The following ELOVL7 variants were observed in gnomAD, a reference collection of about 807,000 sequenced individuals.
ELOVL7 encodes the protein ELOVL fatty acid elongase 7.
In ELOVL7, 27 loss-of-function variants were observed where a neutral mutation model predicts 35.7. That is an observed-to-expected ratio of 0.76 (90% CI 0.56 to 1.04). The LOEUF (loss-of-function observed/expected upper bound fraction) is 1.04. Ranked by LOEUF, ELOVL7 falls within the 50% of genes least tolerant of loss-of-function variation. The pLI is 0.00. For synonymous variants in ELOVL7, 113 were observed against 114.6 expected (o/e 0.99, Z 0.09); for missense variants, 327 against 340.8 (o/e 0.96, Z 0.32).
chr5:60,778,888 T>C (rs1743067892), intron 3 of ELOVL7, among the ~76,000 whole-genome samples: 1 of 152,138 alleles, frequency 6.6e-6, no homozygotes, highest in South Asian at 2.1e-4. Flanking sequence ...AAAAGCAAGT[T>C]AGTTATTTTC....
chr5:60,814,927 A>G (rs1745436019), intron 1 of ELOVL7, among the ~76,000 whole-genome samples: 1 of 152,224 alleles, frequency 6.6e-6, no homozygotes, highest in Admixed American at 6.5e-5. Context: ...ATCCCCATTT[A>G]CTGCTCCTAA....
Position 60,784,509 on chromosome 5 carries a change from T to C in ELOVL7, c.64+2825A>G, listed in dbSNP as rs113052991. On this transcript the variant is annotated intron_variant, in intron 3 of 8. Coordinates refer to ENST00000508821, the MANE Select transcript of ELOVL7 (RefSeq NM_024930.3). ...ATTAATTAAACCATTTTTTCTTCTG[T>C]AGCTGTGGAATTTTTCCACATGAAA... Among the ~76,000 whole-genome samples the C allele has an allele frequency of 6.9e-3, 1,048 of 152,332 alleles. 13 individuals are homozygous for C. Among genetic ancestry groups the C allele is most frequent in the African/African-American group, 0.023 (973 of 41,570 alleles).
At chr5:60,760,405 T>G (rs1033569029) in intron 7 of ELOVL7, among the ~76,000 whole-genome samples, 18 of 152,230 alleles carry the variant, frequency 1.2e-4, no homozygotes, top group African/African-American at 4.3e-4. Context: ...GTGAGCATTT[T>G]TTCATGTGTT....
chr5:60,772,224 T>C (rs1366296050), intron 3 of ELOVL7, 131 bp from the exon 4 acceptor site: 2 of 595,858 alleles, frequency 3.4e-6, no homozygotes, highest in South Asian at 2.4e-5. Flanking sequence ...ATCACTAGTA[T>C]CTTTAGAAAG....
intron 2 of ELOVL7, among the ~76,000 whole-genome samples, chr5:60,790,705 G>A (rs181420762): frequency 2.0e-5 from 3 of 151,974 alleles, no homozygotes; most frequent in South Asian, 2.1e-4. Context: ...AGGGGCTCTC[G>A]GCTCACAACA....
chr5:60,756,494 T>C (rs894177586), intron 8 of ELOVL7, among the ~76,000 whole-genome samples: 5 of 152,204 alleles, frequency 3.3e-5, no homozygotes, highest in African/African-American at 1.2e-4. Flanking sequence ...CATGACTTCA[T>C]AGTATTTCAA....
intron 3 of ELOVL7, among the ~76,000 whole-genome samples, chr5:60,784,952 T>C (rs561574453): frequency 1.3e-5 from 2 of 152,234 alleles, no homozygotes; most frequent in Non-Finnish European, 1.5e-5. Flanking sequence ...CTCTTTTATG[T>C]TGGGATACTT....
chr5:60,766,685 A>T (rs1169234427), intron 5 of ELOVL7, 55 bp from the exon 6 acceptor site: 1 of 1,523,890 alleles, frequency 6.6e-7, no homozygotes, highest in Non-Finnish European at 9.0e-7. Context: ...AAAAGCTTAT[A>T]TTTTTAAATT....
intron 2 of ELOVL7, among the ~76,000 whole-genome samples, chr5:60,794,470 G>A (rs1225447697): frequency 6.6e-6 from 1 of 152,220 alleles, no homozygotes; most frequent in Non-Finnish European, 1.5e-5. Flanking sequence ...AGAGCATCTG[G>A]TTGGAATTCA....
At chr5:60,798,182 C>T (rs1015072575) in intron 2 of ELOVL7, among the ~76,000 whole-genome samples, 7 of 152,180 alleles carry the variant, frequency 4.6e-5, no homozygotes, top group Admixed American at 1.3e-4. Context: ...GTCACAGATA[C>T]GTGTCCTCAA....
At chr5:60,799,094 T>G (rs1002179027) in intron 2 of ELOVL7, 86 bp downstream of exon 2, 3 of 152,028 alleles carry the variant, frequency 2.0e-5, no homozygotes, top group African/African-American at 7.2e-5. Context: ...GTAAGCAACA[T>G]GCACCTGAAC....
chr5:60,760,590 G>A (rs935876511), intron 7 of ELOVL7, among the ~76,000 whole-genome samples: 4 of 152,086 alleles, frequency 2.6e-5, no homozygotes, highest in Admixed American at 6.5e-5. Context: ...TTTGTAGGTC[G>A]CCTGTTCACT....
intron 1 of ELOVL7, among the ~76,000 whole-genome samples, chr5:60,810,847 A>C (rs1745200873): frequency 6.6e-6 from 1 of 152,156 alleles, no homozygotes; most frequent in South Asian, 2.1e-4. Context: ...CACAGTACCG[A>C]CCCAGGGGAG....
At chr5:60,785,096 A>G (rs1743496328) in intron 3 of ELOVL7, among the ~76,000 whole-genome samples, 1 of 152,192 alleles carries the variant, frequency 6.6e-6, no homozygotes, top group Non-Finnish European at 1.5e-5. Flanking sequence ...GCTGGGCTAC[A>G]GCAGTGTCAG....
At chr5:60,777,306 T>A (rs1438928650) in intron 3 of ELOVL7, among the ~76,000 whole-genome samples, 1 of 152,044 alleles carries the variant, frequency 6.6e-6, no homozygotes. Flanking sequence ...GATATAATTA[T>A]TACATATTGC....
At chr5:60,812,411 C>T (rs906594178) in intron 1 of ELOVL7, among the ~76,000 whole-genome samples, 1 of 152,068 alleles carries the variant, frequency 6.6e-6, no homozygotes, top group Admixed American at 6.5e-5. Flanking sequence ...AAAAATTTAA[C>T]TGGTTGTGAC....
At chr5:60,768,820 T>G (rs1742405312) in intron 4 of ELOVL7, 1 of 373,116 alleles carries the variant, frequency 2.7e-6, no homozygotes. Context: ...AGATCTTCTC[T>G]CTCAGTATAA....
intron 1 of ELOVL7, among the ~76,000 whole-genome samples, chr5:60,808,434 C>A (rs988925063): frequency 2.6e-5 from 4 of 152,056 alleles, no homozygotes; most frequent in African/African-American, 7.2e-5. Context: ...AGAAAAAATT[C>A]TTATGCATCT....
At chr5:60,827,930 C>T (rs1447749113) in intron 1 of ELOVL7, among the ~76,000 whole-genome samples, 1 of 151,948 alleles carries the variant, frequency 6.6e-6, no homozygotes, top group Admixed American at 6.6e-5. Context: ...CTCTTTCTGC[C>T]CTTCTCACTC....
Sources: gnomAD v4.1 joint callset for allele counts (sites outside exome capture counted in the v4.1 genomes callset) on GRCh38, gnomAD v4.1.1 for gene constraint, MANE v1.5 for transcripts, NCBI Gene and HGNC (gene_info 2026-07-23, HGNC 2026-07-21) for gene names.